CCDC192: variants seen among roughly 807,000 people sequenced by gnomAD.
CCDC192 encodes the protein coiled-coil domain containing 192.
intron 5 of CCDC192, among the ~76,000 whole-genome samples, chr5:127,844,818 A>G (rs11747774): frequency 1.9e-4 from 29 of 152,354 alleles, no homozygotes; most frequent in Admixed American, 3.3e-4. Flanking sequence ...GGCAGCTGAC[A>G]CCGTCAGCAG....
chr5:127,914,781 C>G (rs989138487), intron 6 of CCDC192, among the ~76,000 whole-genome samples: 1 of 152,112 alleles, frequency 6.6e-6, no homozygotes, highest in African/African-American at 2.4e-5. Flanking sequence ...TCACTTGAGC[C>G]TCTTACAACA....
intron 3 of CCDC192, among the ~76,000 whole-genome samples, chr5:127,759,966 G>C (rs1348253597): frequency 1.3e-5 from 2 of 152,124 alleles, no homozygotes; most frequent in East Asian, 3.8e-4. Flanking sequence ...ACTGGGAGCT[G>C]TTTTCCTTGG....
Position 127,753,340 on chromosome 5 carries a change from T to C in CCDC192, c.115-928T>C, listed in dbSNP as rs568458828. ...AGTGCTCTAATCTCACAAAGGCCTG[T>C]ACCTTGTGTTTTCCTACCAATTTTG... On this transcript the variant is annotated intron_variant, in intron 2 of 6. Coordinates refer to ENST00000514853, the MANE Select transcript of CCDC192 (RefSeq NM_001317938.2). Among the ~76,000 whole-genome samples the C allele has an allele frequency of 2.0e-5, 3 of 152,318 alleles. No individual in the cohort carries two copies. The East Asian group carries it at 5.8e-4, about 29-fold the overall frequency.
intron 2 of CCDC192, among the ~76,000 whole-genome samples, chr5:127,722,363 C>T (rs1343875713): frequency 6.6e-6 from 1 of 151,572 alleles, no homozygotes; most frequent in East Asian, 1.9e-4. Flanking sequence ...GCTATGAATC[C>T]CTTGTCAGAT....
intron 6 of CCDC192, among the ~76,000 whole-genome samples, chr5:127,921,476 T>C (rs1472744658): frequency 6.6e-6 from 1 of 152,166 alleles, no homozygotes; most frequent in East Asian, 1.9e-4. Flanking sequence ...GAGTGAGCTG[T>C]TAAACAAGGC....
chr5:127,794,856 A>C (rs1757072027), intron 3 of CCDC192, among the ~76,000 whole-genome samples: 1 of 152,182 alleles, frequency 6.6e-6, no homozygotes, highest in Non-Finnish European at 1.5e-5. Context: ...TATTTGAGAA[A>C]AAAATAATTC....
chr5:127,729,156 C>G (rs1185759508), intron 2 of CCDC192, among the ~76,000 whole-genome samples: 1 of 152,132 alleles, frequency 6.6e-6, no homozygotes, highest in East Asian at 1.9e-4. Flanking sequence ...ATCAGCCCAC[C>G]TCAGCCTCCC....
intron 5 of CCDC192, among the ~76,000 whole-genome samples, chr5:127,853,196 T>G (rs1318716736): frequency 6.6e-6 from 1 of 152,156 alleles, no homozygotes; most frequent in Non-Finnish European, 1.5e-5. Context: ...CCAGTGGAAG[T>G]TTCAGCAACT....
At chr5:127,705,481 A>C (rs1750910354) in intron 1 of CCDC192, among the ~76,000 whole-genome samples, 2 of 152,304 alleles carry the variant, frequency 1.3e-5, no homozygotes, top group East Asian at 3.9e-4. Flanking sequence ...CATAAAAAAC[A>C]AACGAAGCAC....
chr5:127,840,461 A>C (rs1750230822), intron 5 of CCDC192, among the ~76,000 whole-genome samples: 1 of 152,212 alleles, frequency 6.6e-6, no homozygotes, highest in African/African-American at 2.4e-5. Flanking sequence ...TTCTTAGAAC[A>C]TTCCAAACAA....
intron 5 of CCDC192, among the ~76,000 whole-genome samples, chr5:127,860,072 T>C (rs548407060): frequency 2.4e-4 from 36 of 152,290 alleles, no homozygotes; most frequent in South Asian, 2.3e-3. Flanking sequence ...ATATCTCCTC[T>C]AGTAAACCTT....
chr5:127,844,725 G>A (rs1444914991), intron 5 of CCDC192, among the ~76,000 whole-genome samples: 1 of 152,198 alleles, frequency 6.6e-6, no homozygotes, highest in Non-Finnish European at 1.5e-5. Flanking sequence ...CATTCACAGT[G>A]GCAGCCTGCC....
chr5:127,741,994 T>G (rs1192964926), intron 2 of CCDC192, among the ~76,000 whole-genome samples: 1 of 152,168 alleles, frequency 6.6e-6, no homozygotes, highest in Non-Finnish European at 1.5e-5. Context: ...TCTTTTCATT[T>G]TTACATAAAC....
At chr5:127,703,626 A>G (rs575344856) in intron 1 of CCDC192, 119 bp downstream of exon 1, 12 of 387,990 alleles carry the variant, frequency 3.1e-5, no homozygotes, top group Non-Finnish European at 5.5e-5. Context: ...CAGCAGACAG[A>G]CTTTTTATCC....
At chr5:127,855,534 T>C (rs936721873) in intron 5 of CCDC192, among the ~76,000 whole-genome samples, 8 of 152,218 alleles carry the variant, frequency 5.3e-5, no homozygotes, top group Non-Finnish European at 1.2e-4. Context: ...TTTGACCTTC[T>C]CCCATGAATC....
intron 6 of CCDC192, among the ~76,000 whole-genome samples, chr5:127,939,954 T>C (rs1303721052): frequency 1.3e-5 from 2 of 152,238 alleles, no homozygotes; most frequent in African/African-American, 4.8e-5. Context: ...GCCCTTGATA[T>C]CTCTTCCTAC....
chr5:127,930,017 G>A (rs147363267), intron 6 of CCDC192, among the ~76,000 whole-genome samples: 76 of 152,226 alleles, frequency 5.0e-4, no homozygotes, highest in African/African-American at 1.7e-3. Context: ...CAGCCTGACT[G>A]ACATGATAAA....
In CCDC192 at chr5:127,840,323, T is replaced by C. The variant is rs534086353; in HGVS notation, c.412-35215T>C. ...GAAAGTTTGAGGTTGGCTTAAGTTT[T>C]ATAATCGTCAAATTATCTCTGTATC... On this transcript the variant is annotated intron_variant, in intron 5 of 6. Coordinates refer to ENST00000514853, the MANE Select transcript of CCDC192 (RefSeq NM_001317938.2). 1.2e-4 allele frequency among the ~76,000 whole-genome samples: 18 copies of C among 152,350 alleles called. 1 individual carries two copies. In the South Asian group the frequency reaches 3.3e-3, roughly 28 times the overall value.
At chr5:127,786,363 G>T (rs1292046330) in intron 3 of CCDC192, 2 of 632,040 alleles carry the variant, frequency 3.2e-6, no homozygotes, top group South Asian at 1.8e-5. Context: ...AGATTCAAAG[G>T]ATTCTTTATA....
Sources: allele counts gnomAD v4.1 joint callset (sites outside exome capture counted in the v4.1 genomes callset), GRCh38; gene constraint gnomAD v4.1.1; transcripts MANE v1.5; gene names NCBI Gene and HGNC (gene_info 2026-07-23, HGNC 2026-07-21).